Variants in CTNNA2 observed in about 807,000 individuals in gnomAD.
CTNNA2 encodes catenin alpha-2.
Under a neutral mutation model 101.0 loss-of-function variants are expected in CTNNA2, and 42 were observed. The ratio of observed to expected loss-of-function variants is 0.42; its 90% confidence interval spans 0.32 to 0.54. CTNNA2 has a LOEUF of 0.54. CTNNA2 is among the 20% of genes least tolerant of loss of function. The pLI is 0.14. For synonymous variants in CTNNA2, 450 were observed against 456.4 expected (o/e 0.99, Z 0.18); for missense variants, 871 against 1,223.1 (o/e 0.71, Z 4.29).
intron 4 of CTNNA2, among the ~76,000 whole-genome samples, chr2:79,429,987 A>G (rs1319749613): frequency 6.6e-6 from 1 of 152,116 alleles, no homozygotes; most frequent in East Asian, 1.9e-4. Context: ...GTGTTATATC[A>G]TTTTTAACAA....
At position 79,608,257 on chromosome 2, in the gene CTNNA2, G is replaced by A. The variant is rs572480918; in HGVS notation, c.-5-43295G>A. Among the ~76,000 whole-genome samples, 6 of 152,108 alleles carry A rather than the reference G, an allele frequency of 3.9e-5. No individual in the cohort carries two copies. The East Asian group carries it at 1.2e-3, about 29-fold the overall frequency. On this transcript the variant is annotated intron_variant, in intron 1 of 18. Transcript: ENST00000402739. ...AATAGCTCTCTATCTCTTAAAAAAG[G>A]AATTTGTAGTTAGAAATCTTCCTAC...
rs116539239 is a variant in CTNNA2, at chr2:80,242,434, C to T, written c.1057-150777C>T. On this transcript the variant is annotated intron_variant, in intron 7 of 18. Coordinates refer to ENST00000402739, the MANE Select transcript of CTNNA2 (RefSeq NM_001282597.3). ...ATACTTTATTGACCAGGCTGGCAGG[C>T]TGACTCCTCTGTTGGAGCTGGGAGA... 6.1e-3 allele frequency among the ~76,000 whole-genome samples: 922 copies of T among 152,316 alleles called. 11 individuals are homozygous for T. The highest frequency in any genetic ancestry group is 0.022 in the African/African-American group (898 of 41,568).
At chr2:79,215,856 C>T (rs1235613437) in intron 2 of CTNNA2, among the ~76,000 whole-genome samples, 9 of 151,898 alleles carry the variant, frequency 5.9e-5, no homozygotes, top group Non-Finnish European at 1.0e-4. Flanking sequence ...GGAGCAGAGG[C>T]TGAGGAAGAA....
intron 4 of CTNNA2, among the ~76,000 whole-genome samples, chr2:79,862,879 A>G (rs984647280): frequency 1.3e-5 from 2 of 152,158 alleles, no homozygotes; most frequent in Admixed American, 6.5e-5. Context: ...AATTCTACCT[A>G]GTTTTTTAAA....
chr2:79,316,463 C>T (rs975098254), intron 3 of CTNNA2, among the ~76,000 whole-genome samples: 1 of 151,884 alleles, frequency 6.6e-6, no homozygotes, highest in South Asian at 2.1e-4. Context: ...CAATTTCTTC[C>T]GAAATGGAAG....
At chr2:79,227,501 A>G (rs1370519812) in intron 2 of CTNNA2, among the ~76,000 whole-genome samples, 1 of 152,124 alleles carries the variant, frequency 6.6e-6, no homozygotes, top group Admixed American at 6.5e-5. Context: ...AAATAAAATA[A>G]ACAATGTTAC....
chr2:80,415,293 C>T (rs1176646906), intron 8 of CTNNA2, among the ~76,000 whole-genome samples: 1 of 152,066 alleles, frequency 6.6e-6, no homozygotes, highest in Non-Finnish European at 1.5e-5. Context: ...CTGGCTTGCC[C>T]CTGGGAGTCT....
chr2:80,100,324 G>C (rs189242036), intron 7 of CTNNA2, among the ~76,000 whole-genome samples: 1 of 152,108 alleles, frequency 6.6e-6, no homozygotes, highest in Non-Finnish European at 1.5e-5. Context: ...CAAGCAGATC[G>C]TTCTTCAAAT....
intron 3 of CTNNA2, among the ~76,000 whole-genome samples, chr2:79,835,677 T>TG (rs1679291303): frequency 3.5e-5 from 2 of 57,678 alleles, no homozygotes; most frequent in Admixed American, 1.8e-4. Context: ...TTTTTTTTTT[T>TG]TTTTTTTTTT....
At chr2:79,941,785 A>G (rs1688184086) in intron 7 of CTNNA2, among the ~76,000 whole-genome samples, 1 of 151,976 alleles carries the variant, frequency 6.6e-6, no homozygotes, top group Non-Finnish European at 1.5e-5. Context: ...TGCCGGGCTA[A>G]TTTTTGTATT....
At chr2:79,794,259 G>A (rs1032869537) in intron 3 of CTNNA2, among the ~76,000 whole-genome samples, 3 of 152,162 alleles carry the variant, frequency 2.0e-5, no homozygotes, top group Non-Finnish European at 2.9e-5. Flanking sequence ...TTTCATCATG[G>A]CTTTAGACAT....
intron 13 of CTNNA2, among the ~76,000 whole-genome samples, chr2:80,579,806 A>G (rs1232691821): frequency 2.6e-5 from 4 of 152,244 alleles, no homozygotes; most frequent in Non-Finnish European, 5.9e-5. Flanking sequence ...TCAAGCCTTC[A>G]TCAATAACCA....
intron 7 of CTNNA2, among the ~76,000 whole-genome samples, chr2:80,060,801 A>G (rs1572969426): frequency 1.3e-5 from 2 of 152,228 alleles, no homozygotes; most frequent in Non-Finnish European, 2.9e-5. Context: ...CAAGGCACTC[A>G]CCCACCAGCT....
intron 11 of CTNNA2, among the ~76,000 whole-genome samples, chr2:80,547,625 T>G (rs1692189121): frequency 6.6e-6 from 1 of 151,412 alleles, no homozygotes. Context: ...AAAGCAACTA[T>G]TCATTTAAAT....
intron 7 of CTNNA2, among the ~76,000 whole-genome samples, chr2:79,987,298 C>T (rs1167131198): frequency 6.6e-6 from 1 of 152,178 alleles, no homozygotes; most frequent in Non-Finnish European, 1.5e-5. Context: ...TCCTCCATAT[C>T]TTCCTTTATC....
intron 7 of CTNNA2, among the ~76,000 whole-genome samples, chr2:80,293,109 T>C (rs1277190182): frequency 2.6e-5 from 4 of 152,178 alleles, no homozygotes; most frequent in African/African-American, 7.2e-5. Flanking sequence ...ATGCAATCAC[T>C]ATGGAGCAGA....
chr2:79,252,450 T>G (rs1218997551), intron 2 of CTNNA2, among the ~76,000 whole-genome samples: 3 of 152,194 alleles, frequency 2.0e-5, no homozygotes, highest in Middle Eastern at 3.2e-3. Flanking sequence ...TGGTTTTAAC[T>G]TTTAATATTA....
At chr2:79,929,548 A>G (rs1029000543) in intron 7 of CTNNA2, among the ~76,000 whole-genome samples, 4 of 152,208 alleles carry the variant, frequency 2.6e-5, no homozygotes, top group Non-Finnish European at 5.9e-5. Flanking sequence ...GTGAGCATTT[A>G]GCAGGAATGC....
intron 1 of CTNNA2, among the ~76,000 whole-genome samples, chr2:79,600,147 C>CAA (rs1677456282): frequency 6.6e-6 from 1 of 151,854 alleles, no homozygotes; most frequent in African/African-American, 2.4e-5. Flanking sequence ...TGAACTACAC[C>CAA]GAGAGATAGT....
Sources: gnomAD v4.1 joint callset for allele counts (sites outside exome capture counted in the v4.1 genomes callset) on GRCh38, gnomAD v4.1.1 for gene constraint, MANE v1.5 for transcripts, NCBI Gene and HGNC (gene_info 2026-07-23, HGNC 2026-07-21) for gene names.